The following DMD variants were observed in gnomAD, a reference collection of about 807,000 sequenced individuals.
The protein encoded by DMD is mutant dystrophin.
A neutral mutation model predicts 330.1 loss-of-function variants in DMD; 63 were observed. The observed-to-expected ratio is 0.19, with a 90% CI of 0.16 to 0.24. The LOEUF (loss-of-function observed/expected upper bound fraction) is 0.24. DMD is among the 10% of genes least tolerant of loss of function. The pLI, the probability that DMD is intolerant of heterozygous loss-of-function variation, is 1.00. For synonymous variants in DMD, 1,223 were observed against 959.8 expected (o/e 1.27, Z -5.07); for missense variants, 3,344 against 2,684.1 (o/e 1.25, Z -5.43).
At chrX:32,909,616 T>C (rs1347915548) in intron 2 of DMD, among the ~76,000 whole-genome samples, 23 of 111,496 alleles carry the variant, frequency 2.1e-4, no homozygotes, top group Admixed American at 1.7e-3. Context: ...TGCAACATGC[T>C]GAATCCACGG....
At chrX:31,215,037 G>A (rs1451494497) in intron 64 of DMD, among the ~76,000 whole-genome samples, 1 of 94,097 alleles carries the variant, frequency 1.1e-5, no homozygotes, top group Non-Finnish European at 2.0e-5. Flanking sequence ...CGCCTCCCAG[G>A]TTCACGCCAT....
intron 1 of DMD, among the ~76,000 whole-genome samples, chrX:33,137,338 T>A (rs779918528): frequency 8.9e-6 from 1 of 111,927 alleles, no homozygotes; most frequent in East Asian, 2.8e-4. Flanking sequence ...ATAAATGTTC[T>A]CTTTTTATAG....
At chrX:31,154,541 G>A (rs1323623538) in intron 74 of DMD, among the ~76,000 whole-genome samples, 1 of 109,625 alleles carries the variant, frequency 9.1e-6, no homozygotes, top group African/African-American at 3.3e-5. Context: ...TGATCCGCCT[G>A]CCTCGGCCTC....
chrX:31,945,946 A>C (rs1158177888), intron 45 of DMD, among the ~76,000 whole-genome samples: 1 of 112,071 alleles, frequency 8.9e-6, no homozygotes, highest in South Asian at 3.7e-4. Flanking sequence ...TACAAAAGCA[A>C]AGCAAATTTG....
At chrX:31,137,175 C>G (rs1029814910) in intron 76 of DMD, among the ~76,000 whole-genome samples, 2 of 111,029 alleles carry the variant, frequency 1.8e-5, no homozygotes, top group African/African-American at 6.6e-5. Context: ...CGTGCCACCA[C>G]GCCTGGCTAA....
chrX:32,575,005 C>T (rs891154803), intron 13 of DMD, among the ~76,000 whole-genome samples: 5 of 109,928 alleles, frequency 4.5e-5, no homozygotes, highest in African/African-American at 1.7e-4. Flanking sequence ...TCAGGGAATT[C>T]TCCTGCCTCA....
intron 54 of DMD, among the ~76,000 whole-genome samples, chrX:31,657,732 A>C (rs2080869923): frequency 8.9e-6 from 1 of 112,162 alleles, no homozygotes; most frequent in South Asian, 3.7e-4. Context: ...TCTTCTAGCT[A>C]TAAATCAGTA....
At chrX:32,415,541 G>A (rs1264245248) in intron 29 of DMD, among the ~76,000 whole-genome samples, 2 of 112,268 alleles carry the variant, frequency 1.8e-5, no homozygotes, top group African/African-American at 6.5e-5. Context: ...CTTTCTGCCC[G>A]CTTGACCTGT....
rs757861322 is a variant in DMD, at chrX:31,344,132, T to C, written c.9163+4424A>G. ...TCCCAAAGAATTGGGATTATAGGCA[T>C]GAGCCACACCATGCCTAGCTCAAAT... On this transcript the variant is annotated intron_variant, in intron 61 of 78. Transcript: ENST00000357033. Among the ~76,000 whole-genome samples the C allele has an allele frequency of 3.4e-4, 37 of 110,113 alleles. 1 individual carries two copies. In the South Asian group the frequency reaches 0.015, roughly 44 times the overall value.
intron 55 of DMD, among the ~76,000 whole-genome samples, chrX:31,623,905 A>G (rs981814808): frequency 8.1e-5 from 9 of 111,270 alleles, no homozygotes; most frequent in African/African-American, 2.9e-4. Flanking sequence ...ACAAGCTAAT[A>G]TTACAATGAT....
intron 27 of DMD, among the ~76,000 whole-genome samples, chrX:32,442,926 T>C (rs1481506393): frequency 9.0e-6 from 1 of 111,062 alleles, no homozygotes; most frequent in East Asian, 2.8e-4. Flanking sequence ...ATACTGAAAT[T>C]AAGCACAATT....
chrX:31,906,111 G>A (rs1161719746), intron 47 of DMD, among the ~76,000 whole-genome samples: 1 of 111,262 alleles, frequency 9.0e-6, no homozygotes, highest in Admixed American at 9.6e-5. Flanking sequence ...TCTTGTGACA[G>A]TGAGTTCTCA....
At chrX:33,053,363 A>C (rs1386586690) in intron 1 of DMD, among the ~76,000 whole-genome samples, 2 of 111,207 alleles carry the variant, frequency 1.8e-5, no homozygotes, top group Non-Finnish European at 3.8e-5. Flanking sequence ...TGGGAGGCTG[A>C]GGCGGGCGGA....
At chrX:31,298,410 T>TACACACAC (rs35043650) in intron 62 of DMD, among the ~76,000 whole-genome samples, 1 of 97,863 alleles carries the variant, frequency 1.0e-5, no homozygotes, top group African/African-American at 4.1e-5. Context: ...CACACACACA[T>TACACACAC]ACACACACAC....
intron 47 of DMD, among the ~76,000 whole-genome samples, chrX:31,913,685 A>G (rs2094572330): frequency 9.0e-6 from 1 of 111,725 alleles, no homozygotes; most frequent in Non-Finnish European, 1.9e-5. Flanking sequence ...TAAGTCAATG[A>G]CAAGGTCAGC....
intron 7 of DMD, among the ~76,000 whole-genome samples, chrX:32,720,749 A>G (rs1189818528): frequency 1.8e-5 from 2 of 111,501 alleles, no homozygotes; most frequent in Non-Finnish European, 3.8e-5. Flanking sequence ...ATAGATCAAA[A>G]CACTACATTT....
chrX:32,428,739 G>A (rs909125277), intron 29 of DMD, among the ~76,000 whole-genome samples: 1 of 111,058 alleles, frequency 9.0e-6, no homozygotes, highest in Non-Finnish European at 1.9e-5. Flanking sequence ...AGCCTCCCAA[G>A]CAGCTGGGAC....
intron 12 of DMD, among the ~76,000 whole-genome samples, chrX:32,613,982 G>A (rs2057372251): frequency 9.1e-6 from 1 of 110,105 alleles, no homozygotes; most frequent in African/African-American, 3.3e-5. Context: ...GGTGCATGGT[G>A]GAGGGTCAAG....
At chrX:32,565,940 G>C (rs969901594) in intron 15 of DMD, 59 bp from the exon 16 acceptor site, 5 of 1,016,918 alleles carry the variant, frequency 4.9e-6, no homozygotes, top group African/African-American at 3.8e-5. Context: ...CACCACTATA[G>C]TTCAATCTGC....
Sources: gnomAD v4.1 joint callset for allele counts (sites outside exome capture counted in the v4.1 genomes callset) on GRCh38, gnomAD v4.1.1 for gene constraint, MANE v1.5 for transcripts, NCBI Gene and HGNC (gene_info 2026-07-23, HGNC 2026-07-21) for gene names.